Variants in CLEC12A observed in about 807,000 individuals in gnomAD.
CLEC12A encodes the protein C-type lectin protein CLL-1.
CLEC12A carries 22 observed loss-of-function variants against 26.5 expected under a neutral mutation model. The ratio of observed to expected loss-of-function variants is 0.83; its 90% CI spans 0.59 to 1.19. CLEC12A has a LOEUF of 1.19. Ranked by LOEUF, CLEC12A falls within the 50% of genes most tolerant of loss-of-function variation. The pLI, the probability that CLEC12A is intolerant of heterozygous loss-of-function variation, is 0.00. For missense variants in CLEC12A, 353 were observed against 315.6 expected (o/e 1.12, Z -0.90); for synonymous variants, 119 against 101.9 (o/e 1.17, Z -1.01).
At chr12:9,960,447 C>T (rs1292978450) in intron 1 of CLEC12A, among the ~76,000 whole-genome samples, 2 of 152,164 alleles carry the variant, frequency 1.3e-5, no homozygotes, top group East Asian at 1.9e-4. Flanking sequence ...TATTTATCAT[C>T]CTTGTTCAAT....
downstream of CLEC12A, chr12:9,997,056 C>G (rs1865069016): frequency 1.2e-6 from 2 of 1,610,302 alleles, no homozygotes; most frequent in Admixed American, 1.7e-5. Context: ...CTTACATTTT[C>G]TTCACATTCA....
Position 9,971,446 on chromosome 12 carries a change from G to C in CLEC12A, c.-151G>C. ...GACATATGGGTGATTGGTACAGTAG[G>C]TTTATAAACAGAAGTTTAAACTTGT... On this transcript the variant is annotated 5_prime_UTR_variant, in exon 1 of 6. Coordinates refer to ENST00000304361, the MANE Select transcript of CLEC12A (RefSeq NM_138337.6). 7.3e-7 allele frequency: 1 copy of C among 1,370,618 alleles called. No individual in the cohort carries two copies. Among genetic ancestry groups the C allele is most frequent in the Non-Finnish European group, 9.4e-7 (1 of 1,063,926 alleles). The allele number at this position is 1,370,618 out of a possible 1,614,324, so 84.9% of individuals were successfully genotyped here.
intron 1 of CLEC12A, among the ~76,000 whole-genome samples, chr12:9,961,513 T>C (rs1258876983): frequency 6.6e-6 from 1 of 152,144 alleles, no homozygotes; most frequent in East Asian, 1.9e-4. Flanking sequence ...CATTGCAACT[T>C]GTATCAGATG....
At chr12:9,988,817 G>A (rs1205577857), downstream of CLEC12A, among the ~76,000 whole-genome samples, 1 of 152,146 alleles carries the variant, frequency 6.6e-6, no homozygotes, top group Non-Finnish European at 1.5e-5. Flanking sequence ...ATTCCTCAGG[G>A]ATCTAGAACT....
At chr12:10,000,315 C>T (rs1420647235), downstream of CLEC12A, among the ~76,000 whole-genome samples, 1 of 152,192 alleles carries the variant, frequency 6.6e-6, no homozygotes, top group Admixed American at 6.5e-5. Flanking sequence ...CTATCTCCTT[C>T]ACTCTGAATT....
upstream of CLEC12A, among the ~76,000 whole-genome samples, chr12:9,966,682 C>G (rs1297929125): frequency 6.6e-6 from 1 of 151,558 alleles, no homozygotes; most frequent in Non-Finnish European, 1.5e-5. Context: ...TTTGCTGCCT[C>G]TACTTTATTA....
At position 9,971,513 on chromosome 12, in the gene CLEC12A, G is replaced by A. The variant is rs975765227; in HGVS notation, c.-84G>A. ...TTATAAACAGAAGTTTAAAATTATA[G>A]GTCCTGTTTAACATTCAGCTCTGTT... On this transcript the variant is annotated 5_prime_UTR_variant, in exon 1 of 6. Transcript: ENST00000304361. 7 of 1,507,828 alleles carry A rather than the reference G, an allele frequency of 4.6e-6. No individual in the cohort carries two copies. Among genetic ancestry groups the A allele is most frequent in the Non-Finnish European group, 6.2e-6 (7 of 1,133,408 alleles). 93.4% of individuals were successfully genotyped at this position (1,507,828 alleles called of 1,614,324 possible).
At chr12:9,967,923 G>A (rs147772593), upstream of CLEC12A, among the ~76,000 whole-genome samples, 417 of 152,238 alleles carry the variant, frequency 2.7e-3, 1 homozygote, top group Non-Finnish European at 4.5e-3. Flanking sequence ...GATTCCAAAG[G>A]GAAGACTGTC....
At chr12:9,996,608 A>G (rs59400725), downstream of CLEC12A, 347,238 of 610,460 alleles carry the variant, frequency 0.57, 100,503 homozygotes, top group East Asian at 0.71. Flanking sequence ...CCCACTATGT[A>G]CCTGAGCTGT....
chr12:9,969,919 C>T (rs1218169307), upstream of CLEC12A, among the ~76,000 whole-genome samples: 1 of 152,186 alleles, frequency 6.6e-6, no homozygotes, highest in African/African-American at 2.4e-5. Flanking sequence ...TTGCAACTCA[C>T]TTCCGCATCT....
downstream of CLEC12A, chr12:9,999,163 T>TC (rs11379994): frequency 0.72 from 759,640 of 1,059,304 alleles, 276,656 homozygotes; most frequent in Admixed American, 0.81. Flanking sequence ...AGTTTCCAAC[T>TC]TTACAATTTC....
upstream of CLEC12A, among the ~76,000 whole-genome samples, chr12:9,970,053 C>T (rs1273060571): frequency 6.6e-6 from 1 of 152,148 alleles, no homozygotes; most frequent in African/African-American, 2.4e-5. Context: ...ATGTGGCTGC[C>T]AATATTTTCA....
downstream of CLEC12A, among the ~76,000 whole-genome samples, chr12:9,990,387 T>C (rs925694715): frequency 9.2e-5 from 14 of 152,242 alleles, no homozygotes; most frequent in African/African-American, 3.1e-4. Flanking sequence ...TTGGAAGAAG[T>C]TGAATCAAAC....
At chr12:9,997,266 G>A (rs1865077967), downstream of CLEC12A, 6 of 1,611,530 alleles carry the variant, frequency 3.7e-6, no homozygotes, top group Non-Finnish European at 5.1e-6. Context: ...GTAGGTAATT[G>A]CGCTGCATGA....
chr12:9,973,520 G>T (rs575975768), intron 1 of CLEC12A, among the ~76,000 whole-genome samples: 7 of 152,122 alleles, frequency 4.6e-5, no homozygotes, highest in South Asian at 4.1e-4. Flanking sequence ...TCCAGTTCTG[G>T]TTAAACCCGA....
chr12:9,957,737 A>G (rs1046462538), intron 1 of CLEC12A, among the ~76,000 whole-genome samples: 2 of 152,214 alleles, frequency 1.3e-5, no homozygotes, highest in African/African-American at 4.8e-5. Flanking sequence ...TTCAAGTTCT[A>G]TCCTTTGTCC....
exon 5 of CLEC12A, chr12:9,995,514 A>G (rs1031175905): frequency 2.5e-6 from 1 of 393,356 alleles, no homozygotes; most frequent in African/African-American, 2.1e-5. Flanking sequence ...TAGATCTTCA[A>G]CCAGTTGAGG....
chr12:10,004,453 T>C, the CLEC12A span, among the ~76,000 whole-genome samples: 3 of 151,322 alleles, frequency 2.0e-5, no homozygotes, highest in South Asian at 2.1e-4. Flanking sequence ...TCCTCTGGAG[T>C]TTGGCCATCC....
downstream of CLEC12A, chr12:9,997,136 A>C (rs199593756): frequency 2.5e-6 from 4 of 1,613,438 alleles, no homozygotes; most frequent in African/African-American, 5.3e-5. Flanking sequence ...GGAGAGATGA[A>C]GAGGTTAAAA....
Sources: allele counts gnomAD v4.1 joint callset (sites outside exome capture counted in the v4.1 genomes callset), GRCh38; gene constraint gnomAD v4.1.1; transcripts MANE v1.5; gene names NCBI Gene and HGNC (gene_info 2026-07-23, HGNC 2026-07-21).